Variants in NPAS3 observed in about 807,000 individuals in gnomAD.
The protein encoded by NPAS3 is neuronal PAS domain protein 3, also known as neuronal PAS domain-containing protein 3.
In NPAS3, 14 loss-of-function variants were observed where a neutral mutation model predicts 73.1. That is an observed-to-expected ratio of 0.19 (90% CI 0.13 to 0.30). The LOEUF (loss-of-function observed/expected upper bound fraction) is 0.30, where lower values mean the gene tolerates loss of function less well. Among genes scored for constraint, NPAS3 ranks in the 10% least tolerant of loss-of-function variants. The probability of loss-of-function intolerance (pLI) is 1.00; values close to 1 mark genes in which losing one functional copy is unlikely to be tolerated. For synonymous variants in NPAS3, 620 were observed against 541.5 expected (o/e 1.14, Z -2.01); for missense variants, 1,096 against 1,250.0 (o/e 0.88, Z 1.86).
chr14:33,275,113 C>T (rs1359057569), intron 3 of NPAS3, among the ~76,000 whole-genome samples: 1 of 152,030 alleles, frequency 6.6e-6, no homozygotes, highest in African/African-American at 2.4e-5. Context: ...AATAAGAATC[C>T]AGATAATAAA....
At chr14:33,661,152 A>G (rs1595381998) in intron 5 of NPAS3, among the ~76,000 whole-genome samples, 1 of 151,882 alleles carries the variant, frequency 6.6e-6, no homozygotes, top group South Asian at 2.1e-4. Flanking sequence ...ATGAAATTTG[A>G]CAGTAGGGAT....
chr14:33,021,305 G>T (rs1303977590), intron 1 of NPAS3, among the ~76,000 whole-genome samples: 1 of 152,220 alleles, frequency 6.6e-6, no homozygotes, highest in Non-Finnish European at 1.5e-5. Flanking sequence ...CCTGAATTAA[G>T]AACTATTATC....
intron 2 of NPAS3, among the ~76,000 whole-genome samples, chr14:33,115,715 T>G (rs540341532): frequency 1.3e-5 from 2 of 152,278 alleles, no homozygotes; most frequent in Non-Finnish European, 2.9e-5. Flanking sequence ...TCACCCAATC[T>G]TGGTCATATA....
intron 3 of NPAS3, among the ~76,000 whole-genome samples, chr14:33,254,540 C>T (rs1469772652): frequency 2.0e-5 from 3 of 152,110 alleles, no homozygotes; most frequent in Admixed American, 2.0e-4. Flanking sequence ...ATCTCCTTAT[C>T]CTCAAAGCCT....
At chr14:33,113,300 G>T (rs182782630) in intron 2 of NPAS3, among the ~76,000 whole-genome samples, 6,346 of 152,218 alleles carry the variant, frequency 0.042, 141 homozygotes, top group African/African-American at 0.06. Flanking sequence ...CTACCCATGA[G>T]CATGGAATGT....
intron 4 of NPAS3, among the ~76,000 whole-genome samples, chr14:33,475,692 G>T (rs1322580395): frequency 6.6e-6 from 1 of 152,122 alleles, no homozygotes; most frequent in Non-Finnish European, 1.5e-5. Flanking sequence ...TTTGACAACA[G>T]CATTTCTAGT....
chr14:33,692,881 G>A (rs7144021), intron 6 of NPAS3, among the ~76,000 whole-genome samples: 25,584 of 127,900 alleles, frequency 0.2, 3,116 homozygotes, highest in South Asian at 0.36. Context: ...GTTAATTTGC[G>A]TAGACTTTAT....
chr14:33,616,183 G>A (rs1416156938), intron 5 of NPAS3, among the ~76,000 whole-genome samples: 5 of 152,154 alleles, frequency 3.3e-5, no homozygotes, highest in Admixed American at 6.5e-5. Context: ...TCCTGACTTC[G>A]TAAGCTGGAC....
intron 1 of NPAS3, among the ~76,000 whole-genome samples, chr14:32,963,037 G>T (rs2139239619): frequency 6.6e-6 from 1 of 151,902 alleles, no homozygotes; most frequent in Middle Eastern, 3.4e-3. Context: ...CTTTCTTTTG[G>T]AAAGTCATCT....
At chr14:33,475,986 G>A (rs1231182161) in intron 4 of NPAS3, among the ~76,000 whole-genome samples, 4 of 152,166 alleles carry the variant, frequency 2.6e-5, no homozygotes, top group East Asian at 1.9e-4. Flanking sequence ...GAGAAACTAC[G>A]TGATTTACTA....
chr14:33,631,114 A>C (rs2058366011), intron 5 of NPAS3, among the ~76,000 whole-genome samples: 1 of 152,148 alleles, frequency 6.6e-6, no homozygotes, highest in Admixed American at 6.6e-5. Context: ...GACCAATACA[A>C]ATTGAAAATG....
intron 6 of NPAS3, among the ~76,000 whole-genome samples, chr14:33,719,519 A>G (rs2061047331): frequency 6.6e-6 from 1 of 152,198 alleles, no homozygotes; most frequent in South Asian, 2.1e-4. Context: ...TCTAAATACA[A>G]TATATTTTCT....
rs2063681895 is a variant in NPAS3 at position 33,800,656 on chromosome 14, CT to C, written c.2351del (p.Leu784CysfsTer26). On this transcript the variant is annotated frameshift_variant, in exon 12 of 12. Transcript: ENST00000356141. LOFTEE classifies it high-confidence loss of function. This position sits in a 1 kb window ranked among gnomAD's most constrained non-coding sequence, Gnocchi z 6.5. ...GCGGCGGCCCCAGCGCGTCCAACTC[CT>C]TGCTGTACACTGGGGACCTGGAGGC... 6.5e-7 allele frequency: 1 copy of C among 1,529,192 alleles called. No individual in the cohort carries two copies. Among genetic ancestry groups the C allele is most frequent in the Non-Finnish European group, 8.8e-7 (1 of 1,142,256 alleles). The allele number at this position is 1,529,192 out of a possible 1,614,324, so 94.7% of individuals were successfully genotyped here. A position where few individuals can be genotyped will look rare whatever the true frequency, so the allele number is the denominator to read the frequency against.
intron 3 of NPAS3, among the ~76,000 whole-genome samples, chr14:33,220,520 T>A (rs1034177015): frequency 1.3e-5 from 2 of 152,222 alleles, no homozygotes; most frequent in African/African-American, 4.8e-5. Flanking sequence ...ACTAACCTTT[T>A]ATCTTACTTT....
At chr14:33,293,616 T>C (rs193098110) in intron 3 of NPAS3, among the ~76,000 whole-genome samples, 53 of 152,238 alleles carry the variant, frequency 3.5e-4, no homozygotes, top group African/African-American at 1.2e-3. Context: ...GAGTAATAGA[T>C]GTAAAGGGAA....
At position 32,952,308 on chromosome 14, in the gene NPAS3, C is replaced by T. The variant is rs189707398; in HGVS notation, c.50+12942C>T. Reference sequence around the variant, plus strand: ...AATGTTATAATGTGTACTAGACTTCCGTAACTCCTTTTTCCCCCTCATCAC... The same window carrying T: ...AATGTTATAATGTGTACTAGACTTCTGTAACTCCTTTTTCCCCCTCATCAC... On this transcript the variant is annotated intron_variant, in intron 1 of 11. Coordinates refer to ENST00000356141, the Ensembl canonical transcript of NPAS3. 6.2e-4 allele frequency among the ~76,000 whole-genome samples: 94 copies of T among 152,190 alleles called. 1 individual carries two copies. The highest frequency in any genetic ancestry group is 1.3e-3 in the African/African-American group (53 of 41,532).
At chr14:33,160,721 G>T (rs868287217) in intron 2 of NPAS3, among the ~76,000 whole-genome samples, 60 of 150,036 alleles carry the variant, frequency 4.0e-4, no homozygotes, top group South Asian at 3.8e-3. Flanking sequence ...TTATGATTCT[G>T]TTTTTATTTA....
chr14:33,324,847 C>A (rs1158750251), intron 3 of NPAS3, among the ~76,000 whole-genome samples: 2 of 152,052 alleles, frequency 1.3e-5, no homozygotes, highest in African/African-American at 4.8e-5. Flanking sequence ...AATACAGATT[C>A]TCAGTGTAGA....
chr14:33,759,687 G>A (rs371588166), intron 7 of NPAS3, among the ~76,000 whole-genome samples: 13 of 152,274 alleles, frequency 8.5e-5, no homozygotes, highest in South Asian at 2.1e-4. Flanking sequence ...TGCAGGCTGC[G>A]TAGTCTTTAT....
Sources: gnomAD v4.1 joint callset for allele counts (sites outside exome capture counted in the v4.1 genomes callset) on GRCh38, gnomAD v4.1.1 for gene constraint, Gnocchi (gnomAD v3.1) non-coding constraint, MANE v1.5 for transcripts, NCBI Gene and HGNC (gene_info 2026-07-23, HGNC 2026-07-21) for gene names.